Variants in CTXND1 observed in about 807,000 individuals in gnomAD.
CTXND1 encodes cortexin domain containing 1.
intron 1 of CTXND1, among the ~76,000 whole-genome samples, chr15:80,249,784 T>C (rs1185511132): frequency 1.3e-5 from 2 of 152,242 alleles, no homozygotes; most frequent in African/African-American, 4.8e-5. Flanking sequence ...GCTGACTCTC[T>C]GATTGTAGAA....
chr15:80,243,569 G>C (rs928911013), intron 1 of CTXND1, among the ~76,000 whole-genome samples: 6 of 152,138 alleles, frequency 3.9e-5, no homozygotes, highest in Non-Finnish European at 8.8e-5. Context: ...TAGGCAGGTA[G>C]CAACACACTA....
At chr15:80,226,692 C>A (rs566403147) in intron 1 of CTXND1, among the ~76,000 whole-genome samples, 1 of 152,318 alleles carries the variant, frequency 6.6e-6, no homozygotes, top group South Asian at 2.1e-4. Context: ...CTAGGGACAG[C>A]CATCCACTCC....
At chr15:80,217,895 G>T (rs1893271025) in intron 1 of CTXND1, among the ~76,000 whole-genome samples, 1 of 152,094 alleles carries the variant, frequency 6.6e-6, no homozygotes, top group South Asian at 2.1e-4. Flanking sequence ...GAAGTTTTTT[G>T]AATTGTAAAA....
chr15:80,216,835 G>A (rs529751149), intron 1 of CTXND1, among the ~76,000 whole-genome samples: 4 of 152,118 alleles, frequency 2.6e-5, no homozygotes, highest in South Asian at 4.2e-4. Context: ...GGCTGGTCTC[G>A]AACTCCTGAC....
At chr15:80,207,127 G>A (rs1893155359) in intron 1 of CTXND1, among the ~76,000 whole-genome samples, 1 of 152,162 alleles carries the variant, frequency 6.6e-6, no homozygotes, top group African/African-American at 2.4e-5. Context: ...CTTAGTGTTT[G>A]TACTACTTCT....
At chr15:80,220,169 CTATT>C (rs991027970) in intron 1 of CTXND1, among the ~76,000 whole-genome samples, 70 of 140,504 alleles carry the variant, frequency 5.0e-4, no homozygotes, top group South Asian at 1.8e-3. Context: ...ATCTATCTAT[CTATT>C]TATCTATCTA....
chr15:80,240,361 G>T (rs1002493094), intron 1 of CTXND1, among the ~76,000 whole-genome samples: 1 of 152,160 alleles, frequency 6.6e-6, no homozygotes, highest in South Asian at 2.1e-4. Flanking sequence ...GGAAGACCAA[G>T]GTCTCCCTCT....
chr15:80,224,414 A>G (rs1428142409), intron 1 of CTXND1, among the ~76,000 whole-genome samples: 1 of 152,224 alleles, frequency 6.6e-6, no homozygotes, highest in Admixed American at 6.5e-5. Context: ...TTATCTATCC[A>G]TTCTATTCCA....
At chr15:80,241,691 G>A (rs142310120) in intron 1 of CTXND1, among the ~76,000 whole-genome samples, 3 of 152,178 alleles carry the variant, frequency 2.0e-5, no homozygotes, top group Non-Finnish European at 2.9e-5. Flanking sequence ...ATGATGGAAC[G>A]GGGCCTCATG....
chr15:80,205,022 T>A (rs1464484577), intron 1 of CTXND1, among the ~76,000 whole-genome samples: 1 of 152,234 alleles, frequency 6.6e-6, no homozygotes, highest in Non-Finnish European at 1.5e-5. Flanking sequence ...TCTTTATACA[T>A]CCTTCTAATC....
chr15:80,223,955 T>C (rs1893347003), intron 1 of CTXND1, among the ~76,000 whole-genome samples: 1 of 152,108 alleles, frequency 6.6e-6, no homozygotes, highest in Non-Finnish European at 1.5e-5. Flanking sequence ...TGTGACTGCC[T>C]CAGTGGATAA....
At chr15:80,213,314 G>A (rs537448920) in intron 1 of CTXND1, among the ~76,000 whole-genome samples, 2 of 152,240 alleles carry the variant, frequency 1.3e-5, no homozygotes, top group African/African-American at 4.8e-5. Flanking sequence ...GGGGGCCAAA[G>A]AGTGGCCAAT....
At chr15:80,219,481 C>T (rs1893290056) in intron 1 of CTXND1, among the ~76,000 whole-genome samples, 1 of 152,152 alleles carries the variant, frequency 6.6e-6, no homozygotes, top group African/African-American at 2.4e-5. Context: ...ATTATAAAAA[C>T]AATTCTTCAG....
intron 1 of CTXND1, among the ~76,000 whole-genome samples, chr15:80,206,795 G>A (rs1485509363): frequency 1.3e-5 from 2 of 152,078 alleles, no homozygotes; most frequent in African/African-American, 2.4e-5. Flanking sequence ...ATTTCTACAC[G>A]GTTAGGGGAT....
At chr15:80,233,635 A>C (rs1893458066) in intron 1 of CTXND1, among the ~76,000 whole-genome samples, 2 of 152,116 alleles carry the variant, frequency 1.3e-5, no homozygotes, top group South Asian at 4.1e-4. Context: ...TGGGGGCTAC[A>C]CCACGCCAGG....
rs1339127753 is a variant in CTXND1, at chr15:80,209,742, G to C, written c.-217-6002C>G. ...CAGCAAGGCAATCACAATTCAAAGG[G>C]TGCACAAATACAGGATTTATGTACA... On this transcript the variant is annotated intron_variant, in intron 1 of 2. Transcript: ENST00000560778. Among the ~76,000 whole-genome samples the C allele has an allele frequency of 2.0e-5, 3 of 152,164 alleles. No individual in the cohort carries two copies. In the East Asian group the frequency reaches 5.8e-4, roughly 29 times the overall value.
At chr15:80,215,430 C>T (rs990386208) in intron 1 of CTXND1, among the ~76,000 whole-genome samples, 4 of 152,100 alleles carry the variant, frequency 2.6e-5, no homozygotes, top group Non-Finnish European at 5.9e-5. Flanking sequence ...ACCAAAGAGC[C>T]GGTTTATTCA....
rs1170285842 is a variant in CTXND1, at chr15:80,230,405, T to C, written c.-218+21602A>G. 2.0e-5 allele frequency among the ~76,000 whole-genome samples: 3 copies of C among 152,330 alleles called. 1 individual carries two copies. In the East Asian group the frequency reaches 5.8e-4, roughly 29 times the overall value. The stretch of plus-strand genomic sequence containing the variant: ...GATTACAGACGTGAGCCACAACGCC[T>C]GGCCAGTCATACCCTTTTTTATTCC... On this transcript the variant is annotated intron_variant, in intron 1 of 2. Coordinates refer to ENST00000560778, the MANE Select transcript of CTXND1 (RefSeq NM_001352888.2).
intron 1 of CTXND1, among the ~76,000 whole-genome samples, chr15:80,249,524 T>C (rs1181521442): frequency 2.6e-5 from 4 of 152,240 alleles, no homozygotes; most frequent in Non-Finnish European, 4.4e-5. Context: ...ATATATAAAA[T>C]GCTTAGTATA....
Sources: gnomAD v4.1 joint callset for allele counts (sites outside exome capture counted in the v4.1 genomes callset) on GRCh38, gnomAD v4.1.1 for gene constraint, MANE v1.5 for transcripts, NCBI Gene and HGNC (gene_info 2026-07-23, HGNC 2026-07-21) for gene names.